The following LRRTM3 variants were observed in gnomAD, a reference collection of about 807,000 sequenced individuals.
LRRTM3 encodes the protein leucine rich repeat transmembrane neuronal 3.
LRRTM3 carries 24 observed loss-of-function variants against 44.7 expected under a neutral mutation model. The observed-to-expected ratio is 0.54, with a 90% CI of 0.39 to 0.76. The LOEUF (loss-of-function observed/expected upper bound fraction) is 0.76. Among genes scored for constraint, LRRTM3 ranks in the 30% least tolerant of loss-of-function variants. The pLI, the probability that LRRTM3 is intolerant of heterozygous loss-of-function variation, is 0.00. For missense variants in LRRTM3, 587 were observed against 702.2 expected (o/e 0.84, Z 1.85); for synonymous variants, 277 against 278.7 (o/e 0.99, Z 0.06).
At chr10:66,929,737 T>C (rs537081820) in intron 2 of LRRTM3, among the ~76,000 whole-genome samples, 2 of 152,376 alleles carry the variant, frequency 1.3e-5, no homozygotes, top group East Asian at 1.9e-4. Context: ...ACAGACCCTG[T>C]TGGCAATCTG....
chr10:66,944,844 G>C (rs1220794539), intron 2 of LRRTM3, among the ~76,000 whole-genome samples: 1 of 152,136 alleles, frequency 6.6e-6, no homozygotes, highest in Non-Finnish European at 1.5e-5. Flanking sequence ...AGAGCTCTTG[G>C]GTGACCAGAT....
chr10:67,013,496 A>G (rs1852466997), intron 2 of LRRTM3, among the ~76,000 whole-genome samples: 1 of 152,208 alleles, frequency 6.6e-6, no homozygotes, highest in Non-Finnish European at 1.5e-5. Flanking sequence ...AAGTCCATTC[A>G]CGTGCTGTGC....
At chr10:67,044,305 G>C (rs1160622564) in intron 2 of LRRTM3, among the ~76,000 whole-genome samples, 1 of 152,110 alleles carries the variant, frequency 6.6e-6, no homozygotes, top group African/African-American at 2.4e-5. Context: ...ACAATTTAAC[G>C]AGGGGGAAGG....
intron 2 of LRRTM3, among the ~76,000 whole-genome samples, chr10:67,008,907 T>G (rs561761479): frequency 5.3e-4 from 80 of 152,318 alleles, no homozygotes; most frequent in Non-Finnish European, 1.0e-3. Context: ...TAACTTCTTA[T>G]GGGCTTGAAA....
At chr10:67,033,321 T>C (rs1853847566) in intron 2 of LRRTM3, among the ~76,000 whole-genome samples, 1 of 152,210 alleles carries the variant, frequency 6.6e-6, no homozygotes, top group Admixed American at 6.5e-5. Context: ...TTTCCACATG[T>C]GCACATCTTC....
intron 2 of LRRTM3, among the ~76,000 whole-genome samples, chr10:66,929,325 A>G (rs1925576): frequency 0.36 from 54,990 of 152,038 alleles, 10,941 homozygotes; most frequent in Non-Finnish European, 0.45. Flanking sequence ...GCGAATGGGA[A>G]AGCAGCTTGC....
At chr10:67,030,823 G>A (rs896286952) in intron 2 of LRRTM3, among the ~76,000 whole-genome samples, 5 of 152,080 alleles carry the variant, frequency 3.3e-5, no homozygotes, top group African/African-American at 9.7e-5. Context: ...TACCAACATG[G>A]TGAAACCCCG....
At position 67,100,015 on chromosome 10, in the gene LRRTM3, A is replaced by T. The variant is rs141248187; in HGVS notation, c.*2219A>T. Among the ~76,000 whole-genome samples, 335 of 151,892 alleles carry T rather than the reference A, an allele frequency of 2.2e-3. 4 individuals are homozygous for T. The highest frequency in any genetic ancestry group is 7.7e-3 in the African/African-American group (320 of 41,512). On this transcript the variant is annotated 3_prime_UTR_variant, in exon 3 of 3. Coordinates refer to ENST00000361320, the MANE Select transcript of LRRTM3 (RefSeq NM_178011.5). ...TTTCTCATTAGAAGTTATCCTTGCAAAGATAGAAAAAGAAGAATTAATTTG... is the reference window on the plus strand; with the variant it reads ...TTTCTCATTAGAAGTTATCCTTGCATAGATAGAAAAAGAAGAATTAATTTG...
At chr10:67,014,883 T>C (rs530792538) in intron 2 of LRRTM3, among the ~76,000 whole-genome samples, 4 of 152,188 alleles carry the variant, frequency 2.6e-5, no homozygotes, top group South Asian at 2.1e-4. Context: ...AGCCTTAATT[T>C]TGAAAAAAAT....
intron 2 of LRRTM3, among the ~76,000 whole-genome samples, chr10:66,947,129 T>C (rs534193156): frequency 5.9e-5 from 9 of 152,178 alleles, no homozygotes; most frequent in East Asian, 3.9e-4. Flanking sequence ...CCTACTCTAA[T>C]GATTGTATTA....
intron 2 of LRRTM3, among the ~76,000 whole-genome samples, chr10:66,967,147 G>C (rs1231091947): frequency 6.6e-6 from 1 of 151,956 alleles, no homozygotes; most frequent in Non-Finnish European, 1.5e-5. Context: ...GCAAAAAATA[G>C]ACTATTTTTC....
At chr10:66,947,574 G>A (rs1409905254) in intron 2 of LRRTM3, among the ~76,000 whole-genome samples, 1 of 152,064 alleles carries the variant, frequency 6.6e-6, no homozygotes, top group African/African-American at 2.4e-5. Context: ...AAAAGCATCA[G>A]AGACAAACAC....
intron 2 of LRRTM3, among the ~76,000 whole-genome samples, chr10:67,018,739 G>A (rs2133065384): frequency 6.6e-6 from 1 of 152,286 alleles, no homozygotes; most frequent in African/African-American, 2.4e-5. Context: ...ATTAATTAAG[G>A]TTTTGTTGTG....
intron 2 of LRRTM3, among the ~76,000 whole-genome samples, chr10:67,046,567 A>G (rs921997844): frequency 6.6e-6 from 1 of 152,186 alleles, no homozygotes; most frequent in Non-Finnish European, 1.5e-5. Flanking sequence ...TTTTTCTCAG[A>G]ATCAATTATT....
At chr10:67,070,955 G>A (rs1271642092) in intron 2 of LRRTM3, among the ~76,000 whole-genome samples, 2 of 151,942 alleles carry the variant, frequency 1.3e-5, no homozygotes, top group African/African-American at 4.8e-5. Context: ...TTCTTTTAGT[G>A]TTTACCTGAG....
At chr10:66,937,697 C>T (rs2132666009) in intron 2 of LRRTM3, among the ~76,000 whole-genome samples, 2 of 152,228 alleles carry the variant, frequency 1.3e-5, no homozygotes, top group Middle Eastern at 6.8e-3. Context: ...TACCCTTTCC[C>T]ATGCTCTACC....
At chr10:66,980,967 T>G (rs1271852111) in intron 2 of LRRTM3, among the ~76,000 whole-genome samples, 8 of 152,094 alleles carry the variant, frequency 5.3e-5, no homozygotes, top group Non-Finnish European at 8.8e-5. Flanking sequence ...AGTGCGATGG[T>G]GTGATTTCGG....
chr10:66,970,503 G>T (rs564772251), intron 2 of LRRTM3, among the ~76,000 whole-genome samples: 3 of 50,186 alleles, frequency 6.0e-5, no homozygotes, highest in African/African-American at 2.0e-4. Flanking sequence ...ATTCTTGGGT[G>T]GGGGGGGGAT....
chr10:66,975,975 C>T (rs1186532552), intron 2 of LRRTM3, among the ~76,000 whole-genome samples: 1 of 152,120 alleles, frequency 6.6e-6, no homozygotes, highest in Non-Finnish European at 1.5e-5. Flanking sequence ...CATGCTACTG[C>T]AGTTAAAAAC....
Sources: allele counts gnomAD v4.1 joint callset (sites outside exome capture counted in the v4.1 genomes callset), GRCh38; gene constraint gnomAD v4.1.1; transcripts MANE v1.5; gene names NCBI Gene and HGNC (gene_info 2026-07-23, HGNC 2026-07-21).